Variants in MAGI2 observed in about 807,000 individuals in gnomAD.
MAGI2 encodes membrane associated guanylate kinase, WW and PDZ domain containing 2, also known as membrane-associated guanylate kinase, WW and PDZ domain-containing protein 2.
In MAGI2, 35 loss-of-function variants were observed where a neutral mutation model predicts 133.3. The ratio of observed to expected loss-of-function variants is 0.26; its 90% CI spans 0.20 to 0.35. The LOEUF is 0.35. Ranked by LOEUF, MAGI2 falls within the 10% of genes least tolerant of loss-of-function variation. The pLI is 1.00. For synonymous variants in MAGI2, 729 were observed against 710.6 expected, an observed-to-expected ratio of 1.03 and a Z score of -0.41; for missense variants, 1,636 against 1,863.4, an observed-to-expected ratio of 0.88 and a Z score of 2.25.
chr7:78,531,364 C>A (rs1797458636), intron 3 of MAGI2, among the ~76,000 whole-genome samples: 2 of 151,914 alleles, frequency 1.3e-5, no homozygotes, highest in African/African-American at 4.8e-5. Flanking sequence ...CAGGCATGCA[C>A]CTCCACGTCG....
At chr7:78,382,019 T>A (rs1188047431) in intron 6 of MAGI2, among the ~76,000 whole-genome samples, 1 of 152,204 alleles carries the variant, frequency 6.6e-6, no homozygotes, top group East Asian at 1.9e-4. Flanking sequence ...ATTATTTTAA[T>A]AGCAAATCAT....
At chr7:79,116,112 A>C (rs2129544275) in intron 1 of MAGI2, among the ~76,000 whole-genome samples, 1 of 152,240 alleles carries the variant, frequency 6.6e-6, no homozygotes, top group Admixed American at 6.5e-5. Context: ...AAGAGAACAG[A>C]CTAGGTGAGC....
intron 2 of MAGI2, among the ~76,000 whole-genome samples, chr7:78,686,575 A>AG (rs1816339832): frequency 6.6e-6 from 1 of 151,818 alleles, no homozygotes; most frequent in African/African-American, 2.4e-5. Context: ...AAAAAAAAAA[A>AG]AGGAACAGAT....
At chr7:78,083,601 G>A (rs1816298637) in intron 20 of MAGI2, among the ~76,000 whole-genome samples, 4 of 152,156 alleles carry the variant, frequency 2.6e-5, no homozygotes, top group Admixed American at 2.6e-4. Context: ...TTTATCTGTG[G>A]TCCCCTTGGG....
chr7:79,422,961 C>G (rs1299425293), intron 1 of MAGI2, among the ~76,000 whole-genome samples: 3 of 151,792 alleles, frequency 2.0e-5, no homozygotes, highest in Admixed American at 2.0e-4. Context: ...TTTGAGCAAC[C>G]ATAAATGGTG....
At chr7:79,395,462 A>G (rs190061857) in intron 1 of MAGI2, among the ~76,000 whole-genome samples, 2 of 152,326 alleles carry the variant, frequency 1.3e-5, no homozygotes, top group Non-Finnish European at 2.9e-5. Context: ...ACGTGATATA[A>G]GAGGAACAGA....
intron 2 of MAGI2, among the ~76,000 whole-genome samples, chr7:78,934,881 G>A (rs1800405565): frequency 6.6e-6 from 1 of 152,058 alleles, no homozygotes; most frequent in South Asian, 2.1e-4. Flanking sequence ...TTTTTATGCA[G>A]GTATATTAAT....
intron 1 of MAGI2, among the ~76,000 whole-genome samples, chr7:79,439,465 T>C (rs1173882282): frequency 1.3e-5 from 2 of 152,108 alleles, no homozygotes; most frequent in Admixed American, 1.3e-4. Context: ...CTCTATATTA[T>C]ACCCCTCTGC....
chr7:78,389,828 G>A (rs561540858), intron 6 of MAGI2, among the ~76,000 whole-genome samples: 1 of 152,248 alleles, frequency 6.6e-6, no homozygotes, highest in African/African-American at 2.4e-5. Context: ...CGTCAGAAAA[G>A]CACATGTGGA....
intron 2 of MAGI2, among the ~76,000 whole-genome samples, chr7:78,813,109 G>A (rs58016944): frequency 0.035 from 5,353 of 152,086 alleles, 237 homozygotes; most frequent in African/African-American, 0.096. Flanking sequence ...ATGGTTTCAC[G>A]GGCAAATTCT....
intron 3 of MAGI2, chr7:78,615,568 C>G (rs560075535): frequency 2.6e-5 from 4 of 152,352 alleles, no homozygotes; most frequent in African/African-American, 9.6e-5. Context: ...GAACAGATCC[C>G]TTTGGGAAAT....
Position 78,376,120 on chromosome 7 carries a change from C to A in MAGI2, c.1046-6907G>T, listed in dbSNP as rs564475839. On this transcript the variant is annotated intron_variant, in intron 6 of 21. Coordinates refer to ENST00000354212, the MANE Select transcript of MAGI2 (RefSeq NM_012301.4). Reference sequence around the variant, plus strand: ...CCCATTACCTCATGTACAGGTAAAGCTGGGGGTGTAACTTTTCAGACCTTT... The same window carrying A: ...CCCATTACCTCATGTACAGGTAAAGATGGGGGTGTAACTTTTCAGACCTTT... Among the ~76,000 whole-genome samples, 240 of 152,100 alleles carry A rather than the reference C, an allele frequency of 1.6e-3. No individual in the cohort carries two copies. The South Asian group carries it at 0.017, about 11-fold the overall frequency.
intron 21 of MAGI2, among the ~76,000 whole-genome samples, chr7:78,057,977 G>GTGTATATATATATATATATA (rs762943472): frequency 4.7e-5 from 5 of 106,612 alleles, no homozygotes; most frequent in South Asian, 6.5e-4. Flanking sequence ...ATATATATGT[G>GTGTATATATATATATATATA]TATATATATA....
At chr7:79,451,694 G>A (rs572497054) in intron 1 of MAGI2, among the ~76,000 whole-genome samples, 32 of 152,186 alleles carry the variant, frequency 2.1e-4, no homozygotes, top group Admixed American at 5.9e-4. Flanking sequence ...GTACATCTCC[G>A]TAAAAGCATT....
intron 2 of MAGI2, among the ~76,000 whole-genome samples, chr7:78,643,858 A>G (rs1046451091): frequency 1.5e-4 from 23 of 151,992 alleles, no homozygotes; most frequent in African/African-American, 5.6e-4. Flanking sequence ...CTACAGCAAC[A>G]TCTACACACA....
chr7:78,167,259 G>T (rs1825707560), intron 15 of MAGI2, among the ~76,000 whole-genome samples: 1 of 152,102 alleles, frequency 6.6e-6, no homozygotes, highest in Non-Finnish European at 1.5e-5. Flanking sequence ...TTTTTTATAG[G>T]GTTGATATGG....
intron 1 of MAGI2, among the ~76,000 whole-genome samples, chr7:79,192,237 C>T (rs1327162140): frequency 6.6e-6 from 1 of 151,734 alleles, no homozygotes; most frequent in Non-Finnish European, 1.5e-5. Context: ...TATCTATTGT[C>T]AGTATCCTAC....
At chr7:78,633,398 A>G (rs1305167046) in intron 2 of MAGI2, among the ~76,000 whole-genome samples, 3 of 152,090 alleles carry the variant, frequency 2.0e-5, no homozygotes, top group Non-Finnish European at 4.4e-5. Context: ...CCAGAACCTA[A>G]AAGTTTTTTT....
chr7:78,674,246 T>C lies in MAGI2; in HGVS notation c.419-47007A>G, dbSNP rs576879195. ...AAATAGCAAAGCATTTTTTTTTTTT[T>C]TACACCTGATCATGCAGCAGAGTGT... is the stretch of plus-strand genomic sequence containing the variant. On this transcript the variant is annotated intron_variant, in intron 2 of 21. Coordinates refer to ENST00000354212, the MANE Select transcript of MAGI2 (RefSeq NM_012301.4). Among the ~76,000 whole-genome samples the C allele has an allele frequency of 9.5e-4, 144 of 152,146 alleles. 1 individual carries two copies. The East Asian group carries it at 0.026, about 27-fold the overall frequency.
Sources: allele counts gnomAD v4.1 joint callset (sites outside exome capture counted in the v4.1 genomes callset), GRCh38; gene constraint gnomAD v4.1.1; transcripts MANE v1.5; gene names NCBI Gene and HGNC (gene_info 2026-07-23, HGNC 2026-07-21).